CARMIL1: variants seen among roughly 807,000 people sequenced by gnomAD.
CARMIL1 encodes the protein F-actin-uncapping protein LRRC16A.
Under a neutral mutation model 177.1 loss-of-function variants are expected in CARMIL1, and 90 were observed. The observed-to-expected ratio is 0.51, with a 90% CI of 0.43 to 0.61. The LOEUF (loss-of-function observed/expected upper bound fraction) is 0.61. Among genes scored for constraint, CARMIL1 ranks in the 20% least tolerant of loss-of-function variants. The pLI is 0.00. For synonymous variants in CARMIL1, 577 were observed against 606.2 expected (o/e 0.95, Z 0.71); for missense variants, 1,380 against 1,667.0 (o/e 0.83, Z 3.00).
At chr6:25,330,528 A>G (rs1785518207) in intron 2 of CARMIL1, among the ~76,000 whole-genome samples, 1 of 152,072 alleles carries the variant, frequency 6.6e-6, no homozygotes, top group Non-Finnish European at 1.5e-5. Context: ...CCAAGTTAGA[A>G]AATCATTTTT....
chr6:25,331,141 G>A (rs1287650602), intron 2 of CARMIL1, among the ~76,000 whole-genome samples: 2 of 152,150 alleles, frequency 1.3e-5, no homozygotes, highest in African/African-American at 2.4e-5. Flanking sequence ...TCCCTTGCTT[G>A]TACTCTGGGA....
In CARMIL1 at chr6:25,500,036, G is replaced by C. The variant is rs929869856; in HGVS notation, c.1326-130G>C. On this transcript the variant is annotated intron_variant, in intron 16 of 36. Coordinates refer to ENST00000329474, the MANE Select transcript of CARMIL1 (RefSeq NM_017640.6). ...TGTTGGCATTTTAAAAAGTAAGAGGGTGCTTGGTGCTTGACCTGTGATTCA... is the reference window on the plus strand; with the variant it reads ...TGTTGGCATTTTAAAAAGTAAGAGGCTGCTTGGTGCTTGACCTGTGATTCA... The C allele has an allele frequency of 5.6e-6, 4 of 713,606 alleles. No individual in the cohort carries two copies. In the African/African-American group the frequency reaches 7.1e-5, roughly 13 times the overall value. 44.2% of individuals were successfully genotyped at this position (713,606 alleles called of 1,614,324 possible).
chr6:25,337,244 G>A (rs1351097471), intron 2 of CARMIL1, among the ~76,000 whole-genome samples: 1 of 152,156 alleles, frequency 6.6e-6, no homozygotes, highest in Non-Finnish European at 1.5e-5. Flanking sequence ...CCCTGTATCT[G>A]TTCCAAATTC....
intron 2 of CARMIL1, among the ~76,000 whole-genome samples, chr6:25,412,143 T>C (rs920513203): frequency 3.3e-5 from 5 of 152,244 alleles, no homozygotes; most frequent in African/African-American, 1.2e-4. Context: ...AAAATTTTAT[T>C]ATGATATTAA....
intron 2 of CARMIL1, among the ~76,000 whole-genome samples, chr6:25,348,236 G>A (rs9986525): frequency 4.0e-5 from 6 of 151,736 alleles, no homozygotes; most frequent in East Asian, 3.9e-4. Flanking sequence ...GGGTTCAATC[G>A]ATTCTCCTGC....
intron 1 of CARMIL1, among the ~76,000 whole-genome samples, chr6:25,283,547 T>G (rs1581436950): frequency 6.6e-6 from 1 of 152,104 alleles, no homozygotes; most frequent in East Asian, 1.9e-4. Context: ...GAGGTACTCA[T>G]GGGAGCCCTA....
rs148222015 is a variant in CARMIL1, at chr6:25,292,798, G to A, written c.138+7889G>A. 3.3e-3 allele frequency among the ~76,000 whole-genome samples: 510 copies of A among 152,258 alleles called. 4 individuals are homozygous for A. Among genetic ancestry groups the A allele is most frequent in the African/African-American group, 0.011 (472 of 41,542 alleles). On this transcript the variant is annotated intron_variant, in intron 2 of 36. Transcript: ENST00000329474. Reference sequence around the variant, plus strand: ...AATTAGGTATATACCCTGGAGAGGGGAGGAAGGTAAGTGATGGGGGGGAGT... The same window carrying A: ...AATTAGGTATATACCCTGGAGAGGGAAGGAAGGTAAGTGATGGGGGGGAGT...
intron 2 of CARMIL1, among the ~76,000 whole-genome samples, chr6:25,331,196 AC>A (rs1785594976): frequency 6.6e-6 from 1 of 152,068 alleles, no homozygotes; most frequent in Non-Finnish European, 1.5e-5. Flanking sequence ...TGTCAAAACA[AC>A]TTTTCTTCTG....
intron 1 of CARMIL1, among the ~76,000 whole-genome samples, chr6:25,283,016 G>A (rs1359711762): frequency 6.6e-6 from 1 of 152,212 alleles, no homozygotes; most frequent in Non-Finnish European, 1.5e-5. Flanking sequence ...AGAGGTATGG[G>A]AGCATAGAGG....
At chr6:25,323,518 A>T (rs1424858001) in intron 2 of CARMIL1, among the ~76,000 whole-genome samples, 1 of 150,878 alleles carries the variant, frequency 6.6e-6, no homozygotes, top group Non-Finnish European at 1.5e-5. Flanking sequence ...CTGAGGCGGG[A>T]GGATTGCTTG....
At chr6:25,490,639 G>T (rs184847772) in intron 13 of CARMIL1, among the ~76,000 whole-genome samples, 3 of 151,604 alleles carry the variant, frequency 2.0e-5, no homozygotes, top group Non-Finnish European at 2.9e-5. Flanking sequence ...TGGAGGTGGC[G>T]GTGAGCCGAG....
intron 2 of CARMIL1, among the ~76,000 whole-genome samples, chr6:25,344,759 G>C (rs2690093): frequency 0.052 from 7,919 of 151,934 alleles, 276 homozygotes; most frequent in Non-Finnish European, 0.087. Flanking sequence ...ACCTGCCTGC[G>C]TCTGTGCCCA....
In CARMIL1 at chr6:25,606,157, G is replaced by A; in HGVS notation, c.3731G>A (p.Arg1244Lys). ...KAEPKAEAGS[R>K]SRSSSSTPTS... is the part of the protein sequence containing the mutation. ...GAACCCAAAGCGGAAGCAGGCTCCA[G>A]GTCTCGGAGCTCATCCAGCACACCT... The change falls in exon 35 of 37, where the codon AGG becomes AAG. Residue 1244 changes from arginine to lysine, a missense_variant. Arg to Lys is a conservative substitution (Grantham distance 26). Transcript: ENST00000329474. The A allele has an allele frequency of 6.2e-7, 1 of 1,613,980 alleles. No homozygotes were observed. Among genetic ancestry groups the A allele is most frequent in the Middle Eastern group, 1.7e-4 (1 of 6,060 alleles).
intron 2 of CARMIL1, among the ~76,000 whole-genome samples, chr6:25,291,709 A>T (rs900316158): frequency 7.2e-5 from 11 of 152,180 alleles, no homozygotes; most frequent in African/African-American, 2.7e-4. Flanking sequence ...TTGGGAGTTC[A>T]TAGTTAAACC....
chr6:25,572,970 C>T (rs897953069), intron 29 of CARMIL1, among the ~76,000 whole-genome samples: 15 of 152,120 alleles, frequency 9.9e-5, no homozygotes, highest in South Asian at 2.1e-4. Flanking sequence ...ATGTGGGGAG[C>T]GCATTGGATT....
intron 5 of CARMIL1, among the ~76,000 whole-genome samples, chr6:25,445,912 T>G (rs755764070): frequency 2.6e-5 from 4 of 152,226 alleles, no homozygotes; most frequent in Non-Finnish European, 5.9e-5. Flanking sequence ...TGGATTTTTT[T>G]GTACTTCTCC....
chr6:25,458,359 G>A (rs543412654), intron 8 of CARMIL1, among the ~76,000 whole-genome samples: 1 of 152,042 alleles, frequency 6.6e-6, no homozygotes, highest in African/African-American at 2.4e-5. Flanking sequence ...GTGGTGGCAC[G>A]TCGCCTGTAG....
intron 2 of CARMIL1, among the ~76,000 whole-genome samples, chr6:25,330,667 C>T (rs1030450035): frequency 2.1e-5 from 3 of 144,068 alleles, no homozygotes; most frequent in Admixed American, 7.0e-5. Context: ...TAGTGAGACG[C>T]ACCCCCCCGC....
Position 25,509,495 on chromosome 6 carries a change from C to T in CARMIL1, c.1396-161C>T, listed in dbSNP as rs1447618688. 2.0e-5 allele frequency among the ~76,000 whole-genome samples: 3 copies of T among 152,126 alleles called. No homozygotes were observed. The highest frequency in any genetic ancestry group is 4.4e-5 in the Non-Finnish European group (3 of 68,012). ...CAGCAGCAATGGCTAGTGATAGGCT[C>T]TTTACCCACTGATAATAGCTTCTTT... On this transcript the variant is annotated intron_variant, in intron 17 of 36. Coordinates refer to ENST00000329474, the MANE Select transcript of CARMIL1 (RefSeq NM_017640.6). The surrounding 1 kb of genome is among the most constrained non-coding windows in gnomAD (Gnocchi z 4.1).
Sources: gnomAD v4.1 joint callset for allele counts (sites outside exome capture counted in the v4.1 genomes callset) on GRCh38, gnomAD v4.1.1 for gene constraint, Gnocchi (gnomAD v3.1) non-coding constraint, MANE v1.5 for transcripts, NCBI Gene and HGNC (gene_info 2026-07-23, HGNC 2026-07-21) for gene names.